Variants in WDR11 observed in about 807,000 individuals in gnomAD.
The protein encoded by WDR11 is WD repeat-containing protein 11.
A neutral mutation model predicts 151.2 loss-of-function variants in WDR11; 83 were observed. That is an observed-to-expected ratio of 0.55 (90% CI 0.46 to 0.66). The LOEUF is 0.66. Among genes scored for constraint, WDR11 ranks in the 30% least tolerant of loss-of-function variants. The probability of loss-of-function intolerance (pLI) is 0.00; values close to 1 mark genes in which losing one functional copy is unlikely to be tolerated. For missense variants in WDR11, 1,301 were observed against 1,480.9 expected, an observed-to-expected ratio of 0.88 and a Z score of 1.99; for synonymous variants, 484 against 533.1, an observed-to-expected ratio of 0.91 and a Z score of 1.27.
rs1331429885 is a variant in WDR11 at position 120,874,192 on chromosome 10, TGTTGTTGTTG to T, written c.1556+270_1556+279del. Among the ~76,000 whole-genome samples the T allele has an allele frequency of 0.025, 2,917 of 116,642 alleles. 222 individuals carry two copies. Among genetic ancestry groups the T allele is most frequent in the East Asian group, 0.039 (151 of 3,884 alleles). The allele number at this position is 116,642 out of a possible 152,430, so 76.5% of individuals were successfully genotyped here. On this transcript the variant is annotated intron_variant, in intron 11 of 28. Transcript: ENST00000263461. ...GTTTTTGCAGTTTTTTTTTTTTTTTTGTTGTTGTTGTTGTTGTTTGTTTTGTTTTGTTTTG... is the reference window on the plus strand; with the variant it reads ...GTTTTTGCAGTTTTTTTTTTTTTTTTTTGTTGTTTGTTTTGTTTTGTTTTG...
intron 6 of WDR11, 113 bp downstream of exon 6, chr10:120,865,325 T>C: frequency 8.9e-7 from 1 of 1,120,904 alleles, no homozygotes; most frequent in East Asian, 2.5e-5. Flanking sequence ...TCTTTTCAAT[T>C]TATCAAAAGA....
rs74158339 is a variant in WDR11 at position 120,886,475 on chromosome 10, C to G, written c.1974-214C>G. On this transcript the variant is annotated intron_variant, in intron 15 of 28. Coordinates refer to ENST00000263461, the MANE Select transcript of WDR11 (RefSeq NM_018117.12). The stretch of plus-strand genomic sequence containing the variant: ...GTGTTAAGTTTAGATCACCATTTCT[C>G]TCTGTGCAGGGTAAACTTCCTCTGA... 0.036 allele frequency among the ~76,000 whole-genome samples: 5,509 copies of G among 152,228 alleles called. 353 individuals are homozygous for G. The highest frequency in any genetic ancestry group is 0.13 in the African/African-American group (5,255 of 41,514).
At position 120,875,278 on chromosome 10, in the gene WDR11, C is replaced by T. The variant is rs553069057; in HGVS notation, c.1556+1355C>T. Among the ~76,000 whole-genome samples, 40 of 152,298 alleles carry T rather than the reference C, an allele frequency of 2.6e-4. No individual in the cohort carries two copies. The South Asian group carries it at 6.2e-3, about 24-fold the overall frequency. The stretch of plus-strand genomic sequence containing the variant: ...ATTCTTTGTTTAAACATCATCAGAA[C>T]GCTGCATAGCATTTATTTGATTTTT... On this transcript the variant is annotated intron_variant, in intron 11 of 28. Transcript: ENST00000263461.
intron 5 of WDR11, among the ~76,000 whole-genome samples, chr10:120,863,609 T>C (rs942793259): frequency 6.6e-6 from 1 of 152,222 alleles, no homozygotes; most frequent in Non-Finnish European, 1.5e-5. Flanking sequence ...TAATTTGATG[T>C]ATTCAAAATA....
Position 120,874,185 on chromosome 10 carries a change from T to G in WDR11, c.1556+262T>G, listed in dbSNP as rs796408721. On this transcript the variant is annotated intron_variant, in intron 11 of 28. Transcript: ENST00000263461. ...AATTGCGGTTTTTGCAGTTTTTTTT[T>G]TTTTTTTGTTGTTGTTGTTGTTGTT... Among the ~76,000 whole-genome samples, 288 of 64,482 alleles carry G rather than the reference T, an allele frequency of 4.5e-3. 4 individuals carry two copies. Among genetic ancestry groups the G allele is most frequent in the African/African-American group, 0.013 (265 of 20,536 alleles). 42.3% of individuals were successfully genotyped at this position (64,482 alleles called of 152,430 possible). A position where few individuals can be genotyped will look rare whatever the true frequency, so the allele number is the denominator to read the frequency against.
At chr10:120,881,440 A>C (rs1039735454) in intron 13 of WDR11, among the ~76,000 whole-genome samples, 2 of 152,150 alleles carry the variant, frequency 1.3e-5, no homozygotes, top group African/African-American at 4.8e-5. Flanking sequence ...TCTTCCTGAG[A>C]TTTTGATTGG....
At chr10:120,886,973 T>G in intron 16 of WDR11, 137 bp downstream of exon 16, 1 of 930,478 alleles carries the variant, frequency 1.1e-6, no homozygotes, top group South Asian at 1.5e-5. Context: ...TATTATCGAT[T>G]AAACTTGTTC....
chr10:120,904,536 T>TG lies in WDR11; in HGVS notation c.3028-109dup, dbSNP rs927393151. 855 of 1,333,392 alleles carry TG rather than the reference T, an allele frequency of 6.4e-4. 10 individuals carry two copies. The Admixed American group carries it at 0.015, about 23-fold the overall frequency. 82.6% of individuals were successfully genotyped at this position (1,333,392 alleles called of 1,614,324 possible). A position where few individuals can be genotyped will look rare whatever the true frequency, so the allele number is the denominator to read the frequency against. On this transcript the variant is annotated intron_variant, in intron 24 of 28. Transcript: ENST00000263461. Reference sequence around the variant, plus strand: ...TGTATTTGTAAACAAAATATTCAATTGCATTTTTTGAAAATGAGTGTTTTC... The same window carrying TG: ...TGTATTTGTAAACAAAATATTCAATTGGCATTTTTTGAAAATGAGTGTTTTC...
Position 120,880,870 on chromosome 10 carries a change from GC to G in WDR11, c.1710del (p.Ile571SerfsTer3). ...FRGERGNDES[A>X]IEMIKVSHLK... ...TGGTGAAAGAGGCAATGATGAATCT[GC>G]CATCGAAATGATTAAAGTATCTCAT... is the stretch of plus-strand genomic sequence containing the variant. On this transcript the variant is annotated frameshift_variant, in exon 13 of 29. Transcript: ENST00000263461. LOFTEE classifies it high-confidence loss of function. The G allele has an allele frequency of 1.2e-6, 2 of 1,604,102 alleles. No individual in the cohort carries two copies. Among genetic ancestry groups the G allele is most frequent in the Non-Finnish European group, 8.5e-7 (1 of 1,173,718 alleles).
At chr10:120,877,091 G>A (rs1846820618) in intron 11 of WDR11, among the ~76,000 whole-genome samples, 2 of 152,160 alleles carry the variant, frequency 1.3e-5, no homozygotes, top group Non-Finnish European at 2.9e-5. Flanking sequence ...AGTTTTAATA[G>A]CTAATTAATC....
At chr10:120,861,416 G>C (rs1846137669) in intron 4 of WDR11, among the ~76,000 whole-genome samples, 1 of 152,160 alleles carries the variant, frequency 6.6e-6, no homozygotes, top group Non-Finnish European at 1.5e-5. Flanking sequence ...ACTCACATAG[G>C]TGCAGTGCTG....
chr10:120,906,978 A>AT (rs1484945525), intron 28 of WDR11, 123 bp downstream of exon 28: 1 of 1,436,046 alleles, frequency 7.0e-7, no homozygotes, highest in Non-Finnish European at 9.7e-7. Context: ...CCATGTTCTG[A>AT]TTTTCTGATT....
At chr10:120,906,981 TTC>T (rs1260176350) in intron 28 of WDR11, 126 bp downstream of exon 28, 3 of 1,428,292 alleles carry the variant, frequency 2.1e-6, no homozygotes, top group African/African-American at 2.8e-5. Context: ...TGTTCTGATT[TTC>T]TGATTCACCA....
At chr10:120,857,631 CGTT>C (rs1325108873) in intron 2 of WDR11, among the ~76,000 whole-genome samples, 3 of 152,238 alleles carry the variant, frequency 2.0e-5, no homozygotes, top group African/African-American at 2.4e-5. Context: ...TTTCAGAAAA[CGTT>C]GTTTCCATCT....
At chr10:120,898,530 G>A (rs958534933) in intron 19 of WDR11, among the ~76,000 whole-genome samples, 3 of 152,122 alleles carry the variant, frequency 2.0e-5, no homozygotes, top group Admixed American at 6.5e-5. Flanking sequence ...TCACTGATAC[G>A]ATTTGGCTCT....
At chr10:120,869,419 C>T (rs1220598262) in intron 9 of WDR11, among the ~76,000 whole-genome samples, 1 of 149,126 alleles carries the variant, frequency 6.7e-6, no homozygotes, top group Non-Finnish European at 1.5e-5. Context: ...GGCCAAATTA[C>T]AGTTTTTAAG....
At chr10:120,900,335 G>A (rs976342684) in intron 20 of WDR11, among the ~76,000 whole-genome samples, 198 bp downstream of exon 20, 1 of 152,108 alleles carries the variant, frequency 6.6e-6, no homozygotes, top group Non-Finnish European at 1.5e-5. Flanking sequence ...GTGAGGAGCT[G>A]TGAGGGCGTG....
intron 27 of WDR11, 196 bp downstream of exon 27, chr10:120,906,217 C>A (rs946460617): frequency 6.9e-6 from 10 of 1,459,240 alleles, no homozygotes; most frequent in Non-Finnish European, 8.1e-6. Context: ...AGGAGCTATG[C>A]TAGTTTCCTA....
chr10:120,897,481 T>C (rs1055552765), intron 19 of WDR11, among the ~76,000 whole-genome samples: 1 of 152,176 alleles, frequency 6.6e-6, no homozygotes, highest in African/African-American at 2.4e-5. Context: ...ATACCCCTTA[T>C]CTAGATGATC....
Sources: gnomAD v4.1 joint callset for allele counts (sites outside exome capture counted in the v4.1 genomes callset) on GRCh38, gnomAD v4.1.1 for gene constraint, MANE v1.5 for transcripts, NCBI Gene and HGNC (gene_info 2026-07-23, HGNC 2026-07-21) for gene names.